Variants in DSCAM observed in about 807,000 individuals in gnomAD.
The protein encoded by DSCAM is cell adhesion molecule DSCAM.
In DSCAM, 47 loss-of-function variants were observed where a neutral mutation model predicts 217.7. That is an observed-to-expected ratio of 0.22 (90% CI 0.17 to 0.28). DSCAM has a LOEUF of 0.28. Ranked by LOEUF, DSCAM falls within the 10% of genes least tolerant of loss-of-function variation. DSCAM has a pLI of 1.00. For missense variants in DSCAM, 2,080 were observed against 2,618.3 expected (o/e 0.79, Z 4.49); for synonymous variants, 1,056 against 1,015.3 (o/e 1.04, Z -0.76).
At chr21:40,561,596 T>C (rs1044634334) in intron 3 of DSCAM, among the ~76,000 whole-genome samples, 4 of 152,224 alleles carry the variant, frequency 2.6e-5, no homozygotes, top group Non-Finnish European at 5.9e-5. Flanking sequence ...CTGGCTTTTC[T>C]TCAAATGGTT....
rs145373548 is a variant in DSCAM at position 40,489,261 on chromosome 21, A to G, written c.509-120016T>C. 3.7e-4 allele frequency among the ~76,000 whole-genome samples: 57 copies of G among 152,228 alleles called. 1 individual carries two copies. In the East Asian group the frequency reaches 0.011, roughly 28 times the overall value. ...CCTCATCCAATCAGTTAAAGGCCTAAATGGAACAGGAAACTGAGCTCCCTC... is the reference window on the plus strand; with the variant it reads ...CCTCATCCAATCAGTTAAAGGCCTAGATGGAACAGGAAACTGAGCTCCCTC... On this transcript the variant is annotated intron_variant, in intron 3 of 32. Coordinates refer to ENST00000400454, the MANE Select transcript of DSCAM (RefSeq NM_001389.5).
chr21:40,636,159 G>T (rs776421761), intron 3 of DSCAM, among the ~76,000 whole-genome samples: 2 of 152,166 alleles, frequency 1.3e-5, no homozygotes, highest in Non-Finnish European at 1.5e-5. Flanking sequence ...AAAGCTGCAA[G>T]ACCCCAGCAC....
At chr21:40,411,803 T>C (rs1459812187) in intron 3 of DSCAM, among the ~76,000 whole-genome samples, 1 of 152,164 alleles carries the variant, frequency 6.6e-6, no homozygotes, top group East Asian at 1.9e-4. Context: ...ATTCTACACA[T>C]ACAAATTAAA....
At chr21:40,187,006 G>A (rs939558040) in intron 14 of DSCAM, 125 bp downstream of exon 14, 1 of 1,192,460 alleles carries the variant, frequency 8.4e-7, no homozygotes, top group Non-Finnish European at 1.2e-6. Context: ...GGAGACTGGG[G>A]GAAGTGGTGC....
At chr21:40,585,419 CAAAAAAAAAAAAAAAA>C (rs71186946) in intron 3 of DSCAM, among the ~76,000 whole-genome samples, 1 of 87,018 alleles carries the variant, frequency 1.1e-5, no homozygotes, top group Non-Finnish European at 2.5e-5. Context: ...GACTCCGTCT[CAAAAAAAAAAAAAAAA>C]AAAAAAAAGA....
intron 3 of DSCAM, among the ~76,000 whole-genome samples, chr21:40,563,694 T>G (rs1255284298): frequency 1.8e-5 from 1 of 54,924 alleles, no homozygotes; most frequent in East Asian, 4.2e-4. Context: ...TTATATATAG[T>G]TATATGTGTG....
At chr21:40,305,393 A>AAC in intron 9 of DSCAM, among the ~76,000 whole-genome samples, 1 of 150,898 alleles carries the variant, frequency 6.6e-6, no homozygotes, top group African/African-American at 2.4e-5. Flanking sequence ...CCGTCTCAAA[A>AAC]AAAAAAAAAA....
In DSCAM at chr21:40,024,478, G is replaced by A. The variant is rs551366567; in HGVS notation, c.5687-11092C>T. The stretch of plus-strand genomic sequence containing the variant: ...CCTTGGGCAGTATGGCCATTTTCAC[G>A]ATATTGATTCTTCCTACCCATGAGC... On this transcript the variant is annotated intron_variant, in intron 32 of 32. Transcript: ENST00000400454. Among the ~76,000 whole-genome samples, 60 of 76,154 alleles carry A rather than the reference G, an allele frequency of 7.9e-4. 22 individuals are homozygous for A. The highest frequency in any genetic ancestry group is 0.014 in the Middle Eastern group (2 of 146). The allele number at this position is 76,154 out of a possible 152,430, so 50.0% of individuals were successfully genotyped here.
intron 3 of DSCAM, among the ~76,000 whole-genome samples, chr21:40,690,120 G>A (rs1010944313): frequency 6.6e-6 from 1 of 152,088 alleles, no homozygotes; most frequent in Non-Finnish European, 1.5e-5. Flanking sequence ...TAAACCTCCT[G>A]AGCATGGTTT....
At chr21:40,498,006 G>T (rs914641933) in intron 3 of DSCAM, among the ~76,000 whole-genome samples, 7 of 152,160 alleles carry the variant, frequency 4.6e-5, no homozygotes, top group African/African-American at 1.7e-4. Context: ...GCACATGGTA[G>T]GTTGCATAGT....
chr21:40,583,809 G>T (rs770002078), intron 3 of DSCAM, among the ~76,000 whole-genome samples: 55 of 151,652 alleles, frequency 3.6e-4, no homozygotes, highest in Non-Finnish European at 5.4e-4. Context: ...AACAAGGGAG[G>T]CTGTGCATGT....
chr21:40,584,289 C>T (rs1167072710), intron 3 of DSCAM, among the ~76,000 whole-genome samples: 2 of 152,110 alleles, frequency 1.3e-5, no homozygotes, highest in Non-Finnish European at 2.9e-5. Flanking sequence ...TAGAAGTAAC[C>T]AGGTCAAGCC....
At chr21:40,619,076 T>TA (rs1555871847) in intron 3 of DSCAM, among the ~76,000 whole-genome samples, 2 of 151,636 alleles carry the variant, frequency 1.3e-5, no homozygotes, top group East Asian at 1.9e-4. Flanking sequence ...TAAGCAATTT[T>TA]AAAAAAAACA....
At chr21:40,070,701 A>T (rs1281566280) in intron 27 of DSCAM, among the ~76,000 whole-genome samples, 1 of 152,144 alleles carries the variant, frequency 6.6e-6, no homozygotes, top group South Asian at 2.1e-4. Flanking sequence ...GTAAAGTTCA[A>T]GTTACCTTTT....
intron 20 of DSCAM, among the ~76,000 whole-genome samples, chr21:40,119,142 G>A (rs2090004967): frequency 6.6e-6 from 1 of 152,168 alleles, no homozygotes; most frequent in Admixed American, 6.5e-5. Flanking sequence ...TATGGTTGTT[G>A]TAAATCACTG....
chr21:40,073,660 A>C (rs2089326342), intron 27 of DSCAM, among the ~76,000 whole-genome samples: 1 of 152,020 alleles, frequency 6.6e-6, no homozygotes, highest in African/African-American at 2.4e-5. Flanking sequence ...TTTTTCACTG[A>C]TGCGGTCTTT....
At chr21:40,574,570 G>A (rs902774641) in intron 3 of DSCAM, among the ~76,000 whole-genome samples, 2 of 152,116 alleles carry the variant, frequency 1.3e-5, no homozygotes, top group Non-Finnish European at 2.9e-5. Context: ...CAAGGCAAAG[G>A]TATTCACTCA....
intron 5 of DSCAM, among the ~76,000 whole-genome samples, chr21:40,350,361 A>G (rs2074616195): frequency 6.6e-6 from 1 of 152,082 alleles, no homozygotes; most frequent in Non-Finnish European, 1.5e-5. Flanking sequence ...AACCTACAGA[A>G]TGGGAGAAAA....
intron 3 of DSCAM, among the ~76,000 whole-genome samples, chr21:40,688,379 C>A (rs1425117904): frequency 6.6e-6 from 1 of 152,132 alleles, no homozygotes; most frequent in African/African-American, 2.4e-5. Context: ...AATATAAAGC[C>A]GGTGTTATTG....
Sources: allele counts gnomAD v4.1 joint callset (sites outside exome capture counted in the v4.1 genomes callset), GRCh38; gene constraint gnomAD v4.1.1; transcripts MANE v1.5; gene names NCBI Gene and HGNC (gene_info 2026-07-23, HGNC 2026-07-21).